Variants in ARHGAP42 observed in about 807,000 individuals in gnomAD.
ARHGAP42 encodes the protein rho GTPase-activating protein 42.
A neutral mutation model predicts 125.0 loss-of-function variants in ARHGAP42; 63 were observed. The ratio of observed to expected loss-of-function variants is 0.50; its 90% CI spans 0.41 to 0.62. ARHGAP42 has a LOEUF of 0.62. Among genes scored for constraint, ARHGAP42 ranks in the 20% least tolerant of loss-of-function variants. The probability of loss-of-function intolerance (pLI) is 0.00; values close to 1 mark genes in which losing one functional copy is unlikely to be tolerated. For synonymous variants in ARHGAP42, 339 were observed against 351.0 expected (o/e 0.97, Z 0.38); for missense variants, 766 against 1,024.2 (o/e 0.75, Z 3.44).
chr11:100,957,147 A>G (rs1016717687), intron 12 of ARHGAP42, among the ~76,000 whole-genome samples: 1 of 152,112 alleles, frequency 6.6e-6, no homozygotes, highest in African/African-American at 2.4e-5. Flanking sequence ...TAGGAGAGGA[A>G]ACTGAGGCAC....
chr11:100,954,591 T>G (rs763230689), intron 12 of ARHGAP42, among the ~76,000 whole-genome samples: 1 of 152,184 alleles, frequency 6.6e-6, no homozygotes, highest in Non-Finnish European at 1.5e-5. Flanking sequence ...AGCTTCATAT[T>G]GTGGTTTAGA....
intron 1 of ARHGAP42, among the ~76,000 whole-genome samples, chr11:100,753,782 G>A (rs1862513174): frequency 6.6e-6 from 1 of 152,130 alleles, no homozygotes. Context: ...CCCTCTGTAG[G>A]CTGGATTGCC....
At chr11:100,885,148 C>T (rs1848303203) in intron 4 of ARHGAP42, among the ~76,000 whole-genome samples, 2 of 152,172 alleles carry the variant, frequency 1.3e-5, no homozygotes. Context: ...GCCCTTACTC[C>T]TCTGCTGTTC....
intron 1 of ARHGAP42, among the ~76,000 whole-genome samples, chr11:100,703,282 T>G (rs1861427805): frequency 6.6e-6 from 1 of 152,186 alleles, no homozygotes; most frequent in Non-Finnish European, 1.5e-5. Context: ...ATTGGCCCCA[T>G]ACTCTATTTT....
intron 1 of ARHGAP42, among the ~76,000 whole-genome samples, chr11:100,745,290 C>T (rs1862276111): frequency 6.6e-6 from 1 of 152,204 alleles, no homozygotes; most frequent in Non-Finnish European, 1.5e-5. Flanking sequence ...CCTTACAGCT[C>T]TTTCTCTTCA....
rs1858393498 is a variant in ARHGAP42, at chr11:100,976,432, C to A, written c.2231C>A (p.Ala744Asp). 2.8e-5 allele frequency: 43 copies of A among 1,525,366 alleles called. No homozygotes were observed. Among genetic ancestry groups the A allele is most frequent in the Non-Finnish European group, 3.3e-5 (38 of 1,137,850 alleles). 94.5% of individuals were successfully genotyped at this position (1,525,366 alleles called of 1,614,324 possible). A position where few individuals can be genotyped will look rare whatever the true frequency, so the allele number is the denominator to read the frequency against. The change falls in exon 20 of 24, where the codon GCT (alanine) becomes GAT (aspartate). Residue 744 changes from alanine (A) to aspartate (D), a missense_variant. Ala to Asp is a moderately radical substitution (Grantham distance 126, BLOSUM62 -2). Transcript: ENST00000298815. ...TCTTCTCTCAGATCCATCTCTGCAGCTGAAGGTAAGGCAGAGTGGAACTTG... is the reference window on the plus strand; with the variant it reads ...TCTTCTCTCAGATCCATCTCTGCAGATGAAGGTAAGGCAGAGTGGAACTTG... ...SASSLRSISA[A>D]EGNKSYSGSI...
chr11:100,963,201 T>G (rs77405231), intron 16 of ARHGAP42, among the ~76,000 whole-genome samples: 17 of 152,202 alleles, frequency 1.1e-4, no homozygotes, highest in Non-Finnish European at 1.8e-4. Context: ...GGTGCTTCCA[T>G]CAATCCCCTC....
intron 1 of ARHGAP42, among the ~76,000 whole-genome samples, chr11:100,698,027 T>C (rs1427650289): frequency 3.3e-5 from 5 of 152,212 alleles, no homozygotes; most frequent in Admixed American, 3.3e-4. Context: ...TCCAACTGTT[T>C]TATTATTTAT....
chr11:100,944,411 G>T (rs953634152), intron 10 of ARHGAP42, among the ~76,000 whole-genome samples: 1 of 152,050 alleles, frequency 6.6e-6, no homozygotes, highest in Admixed American at 6.6e-5. Context: ...ATAAGAATGG[G>T]TATGCTTCTT....
chr11:100,733,264 T>C (rs1459846466), intron 1 of ARHGAP42, among the ~76,000 whole-genome samples: 1 of 152,234 alleles, frequency 6.6e-6, no homozygotes, highest in Non-Finnish European at 1.5e-5. Context: ...CTCATGGGAT[T>C]GTCATGAGGA....
intron 12 of ARHGAP42, among the ~76,000 whole-genome samples, chr11:100,954,626 A>G (rs1591319250): frequency 6.6e-6 from 1 of 152,128 alleles, no homozygotes; most frequent in African/African-American, 2.4e-5. Flanking sequence ...AAGTTCTCAG[A>G]TGTCCCTAGG....
intron 2 of ARHGAP42, among the ~76,000 whole-genome samples, chr11:100,774,428 C>T (rs897773272): frequency 6.6e-6 from 1 of 152,146 alleles, no homozygotes. Flanking sequence ...GTAGGGACAG[C>T]TGTGACTCTG....
intron 1 of ARHGAP42, among the ~76,000 whole-genome samples, chr11:100,692,224 G>GA (rs768806125): frequency 2.0e-5 from 3 of 151,512 alleles, no homozygotes; most frequent in African/African-American, 7.3e-5. Context: ...TTGATCAAAG[G>GA]AAAAAAAAGA....
chr11:100,789,783 A>G (rs553212726), intron 2 of ARHGAP42, among the ~76,000 whole-genome samples: 2 of 152,328 alleles, frequency 1.3e-5, no homozygotes, highest in Non-Finnish European at 2.9e-5. Context: ...GCAGTCTAAT[A>G]AAGTGATATA....
intron 3 of ARHGAP42, among the ~76,000 whole-genome samples, chr11:100,832,680 A>G (rs1055084198): frequency 6.6e-6 from 1 of 152,178 alleles, no homozygotes; most frequent in Admixed American, 6.5e-5. Context: ...ATTATTTTTC[A>G]CAGGATATTG....
chr11:100,887,361 A>T (rs2135186177), intron 4 of ARHGAP42, among the ~76,000 whole-genome samples: 1 of 152,218 alleles, frequency 6.6e-6, no homozygotes, highest in South Asian at 2.1e-4. Context: ...TGGCTGGTTC[A>T]TGTACAACTA....
In ARHGAP42 at chr11:100,879,165, A is replaced by G. The variant is rs1865895557; in HGVS notation, c.384+19540A>G. 2.6e-5 allele frequency among the ~76,000 whole-genome samples: 4 copies of G among 152,194 alleles called. No homozygotes were observed. The South Asian group carries it at 8.3e-4, about 31-fold the overall frequency. On this transcript the variant is annotated intron_variant, in intron 4 of 23. Coordinates refer to ENST00000298815, the MANE Select transcript of ARHGAP42 (RefSeq NM_152432.4). ...GGTCCCACTTCAAGCTTGTCAAATC[A>G]GTATCTGCATTTTAACAAGACTCCT...
Position 100,693,395 on chromosome 11 carries a change from G to A in ARHGAP42, c.154+5563G>A, listed in dbSNP as rs17095341. Among the ~76,000 whole-genome samples, 1,351 of 152,240 alleles carry A rather than the reference G, an allele frequency of 8.9e-3. 8 individuals carry two copies. Among genetic ancestry groups the A allele is most frequent in the Non-Finnish European group, 0.015 (994 of 68,018 alleles). On this transcript the variant is annotated intron_variant, in intron 1 of 23. Transcript: ENST00000298815. ...ATTAATTTTAGGAACTAGTAGATTA[G>A]GAATGTGGTGCTTTAAGGTTCTGTT...
chr11:100,987,726 G>T, intron 23 of ARHGAP42, 134 bp downstream of exon 23: 1 of 787,324 alleles, frequency 1.3e-6, no homozygotes, highest in Non-Finnish European at 2.1e-6. Context: ...TAACGGGCAT[G>T]CATGAACACA....
Sources: gnomAD v4.1 joint callset for allele counts (sites outside exome capture counted in the v4.1 genomes callset) on GRCh38, gnomAD v4.1.1 for gene constraint, MANE v1.5 for transcripts, NCBI Gene and HGNC (gene_info 2026-07-23, HGNC 2026-07-21) for gene names.